C1QTNF3: variants seen among roughly 807,000 people sequenced by gnomAD.
The protein encoded by C1QTNF3 is C1q and TNF related 3, also known as complement C1q tumor necrosis factor-related protein 3.
In C1QTNF3, 26 loss-of-function variants were observed where a neutral mutation model predicts 32.6. That is an observed-to-expected ratio of 0.80 (90% CI 0.58 to 1.11). The LOEUF (loss-of-function observed/expected upper bound fraction) is 1.11, where lower values mean the gene tolerates loss of function less well. Among genes scored for constraint, C1QTNF3 ranks in the 50% least tolerant of loss-of-function variants. The probability of loss-of-function intolerance (pLI) is 0.00; values close to 1 mark genes in which losing one functional copy is unlikely to be tolerated. For missense variants in C1QTNF3, 362 were observed against 398.2 expected (o/e 0.91, Z 0.77); for synonymous variants, 155 against 146.0 (o/e 1.06, Z -0.44).
the C1QTNF3 span, among the ~76,000 whole-genome samples, chr5:34,115,599 C>T: frequency 2.0e-5 from 3 of 152,006 alleles, no homozygotes; most frequent in Admixed American, 6.6e-5. Flanking sequence ...GGCGTGGTGG[C>T]GAGCACCTGC....
At chr5:34,020,796 C>G (rs1754309798) in intron 5 of C1QTNF3, 54 bp from the exon 6 acceptor site, 1 of 1,565,526 alleles carries the variant, frequency 6.4e-7, no homozygotes, top group Non-Finnish European at 8.7e-7. Flanking sequence ...ACAACCAGCT[C>G]TTCACCAAAG....
the C1QTNF3 span, among the ~76,000 whole-genome samples, chr5:34,140,167 T>C: frequency 6.6e-6 from 1 of 152,090 alleles, no homozygotes; most frequent in Non-Finnish European, 1.5e-5. Context: ...ACCAGAGCTA[T>C]ATGAAATGAA....
At chr5:34,216,245 T>C in the C1QTNF3 span, among the ~76,000 whole-genome samples, 2 of 152,350 alleles carry the variant, frequency 1.3e-5, no homozygotes, top group African/African-American at 4.8e-5. Flanking sequence ...TTTCTTGCTC[T>C]TTTGTTGTTG....
the C1QTNF3 span, among the ~76,000 whole-genome samples, chr5:34,104,987 GTTTT>G: frequency 1.2e-3 from 161 of 133,172 alleles, no homozygotes; most frequent in African/African-American, 4.2e-3. Flanking sequence ...TTCAGCAAGA[GTTTT>G]TTTTTTTTTA....
the C1QTNF3 span, among the ~76,000 whole-genome samples, chr5:34,070,659 TAA>T: frequency 6.7e-6 from 1 of 148,714 alleles, no homozygotes; most frequent in East Asian, 1.9e-4. Flanking sequence ...AACTCATTGA[TAA>T]GTGAATTTTT....
the C1QTNF3 span, among the ~76,000 whole-genome samples, chr5:34,209,986 C>A: frequency 1.3e-5 from 2 of 152,058 alleles, no homozygotes; most frequent in African/African-American, 4.8e-5. Context: ...GATATAAAAT[C>A]CTGCATGCAA....
the C1QTNF3 span, among the ~76,000 whole-genome samples, chr5:34,091,163 G>C: frequency 7.2e-5 from 11 of 152,142 alleles, no homozygotes; most frequent in African/African-American, 2.7e-4. Context: ...ACCCCGCTTT[G>C]ATAGATGAGC....
the C1QTNF3 span, among the ~76,000 whole-genome samples, chr5:34,155,953 TAG>T: frequency 6.6e-6 from 1 of 152,230 alleles, no homozygotes; most frequent in South Asian, 2.1e-4. Flanking sequence ...GATATTGCAA[TAG>T]ACTTTTAATT....
the C1QTNF3 span, among the ~76,000 whole-genome samples, chr5:34,196,339 T>G: frequency 6.6e-6 from 1 of 152,426 alleles, no homozygotes; most frequent in Admixed American, 6.5e-5. Context: ...GGTTTTGCCA[T>G]GCTGCCCAGG....
the C1QTNF3 span, among the ~76,000 whole-genome samples, chr5:34,060,269 T>G: frequency 8.5e-5 from 13 of 152,314 alleles, no homozygotes; most frequent in Admixed American, 5.9e-4. Context: ...TTTGTTGTAG[T>G]GCAAACACCT....
intron 3 of C1QTNF3, among the ~76,000 whole-genome samples, chr5:34,032,544 A>G (rs1754641148): frequency 6.6e-6 from 1 of 152,244 alleles, no homozygotes; most frequent in African/African-American, 2.4e-5. Flanking sequence ...CTGTAATCCC[A>G]GCACTTTTTT....
At chr5:34,234,009 C>G in the C1QTNF3 span, among the ~76,000 whole-genome samples, 1 of 151,768 alleles carries the variant, frequency 6.6e-6, no homozygotes, top group Non-Finnish European at 1.5e-5. Context: ...GTATTAGTAC[C>G]CACAATATAA....
At chr5:34,079,268 T>C in the C1QTNF3 span, among the ~76,000 whole-genome samples, 2 of 151,622 alleles carry the variant, frequency 1.3e-5, no homozygotes, top group East Asian at 3.8e-4. Context: ...TCTACCTTTT[T>C]ATTTCTCAGA....
chr5:34,227,411 T>C, the C1QTNF3 span, among the ~76,000 whole-genome samples: 2 of 152,148 alleles, frequency 1.3e-5, no homozygotes, highest in South Asian at 2.1e-4. Context: ...CTTTTTATAA[T>C]AGATGCATAT....
intron 3 of C1QTNF3, among the ~76,000 whole-genome samples, chr5:34,030,377 C>T (rs770994967): frequency 1.3e-5 from 2 of 152,192 alleles, no homozygotes; most frequent in African/African-American, 4.8e-5. Flanking sequence ...GGGAATAAGG[C>T]TGTCTATTTG....
chr5:34,099,261 A>C, the C1QTNF3 span, among the ~76,000 whole-genome samples: 2 of 152,218 alleles, frequency 1.3e-5, no homozygotes, highest in South Asian at 4.1e-4. Context: ...CGGCATGTTA[A>C]ATTATAAAAC....
chr5:34,222,083 A>G, the C1QTNF3 span, among the ~76,000 whole-genome samples: 1 of 152,176 alleles, frequency 6.6e-6, no homozygotes, highest in Admixed American at 6.6e-5. Flanking sequence ...TTGTGGTATT[A>G]TCTATCTTTT....
chr5:34,175,637 A>C, the C1QTNF3 span: 1 of 524,056 alleles, frequency 1.9e-6, no homozygotes. Context: ...CGGGGACCTG[A>C]CTCCTTTCCT....
chr5:34,131,571 A>G, the C1QTNF3 span, among the ~76,000 whole-genome samples: 1 of 152,226 alleles, frequency 6.6e-6, no homozygotes, highest in Non-Finnish European at 1.5e-5. Context: ...TGGAAACTAA[A>G]AAAAAGTTGA....
Sources: gnomAD v4.1 joint callset for allele counts (sites outside exome capture counted in the v4.1 genomes callset) on GRCh38, gnomAD v4.1.1 for gene constraint, MANE v1.5 for transcripts, NCBI Gene and HGNC (gene_info 2026-07-23, HGNC 2026-07-21) for gene names.